The following DMRT3 variants were observed in gnomAD, a reference collection of about 807,000 sequenced individuals.
DMRT3 encodes doublesex- and mab-3-related transcription factor 3.
DMRT3 carries 29 observed loss-of-function variants against 34.9 expected under a neutral mutation model. The ratio of observed to expected loss-of-function variants is 0.83; its 90% CI spans 0.62 to 1.13. The LOEUF (loss-of-function observed/expected upper bound fraction) is 1.13, where lower values mean the gene tolerates loss of function less well. DMRT3 is among the 50% of genes most tolerant of loss of function. DMRT3 has a pLI of 0.00. For missense variants in DMRT3, 772 were observed against 629.1 expected (o/e 1.23, Z -2.43); for synonymous variants, 350 against 286.0 (o/e 1.22, Z -2.26).
At chr9:981,839 C>T (rs73639957) in intron 1 of DMRT3, among the ~76,000 whole-genome samples, 1,992 of 152,266 alleles carry the variant, frequency 0.013, 46 homozygotes, top group African/African-American at 0.046. Flanking sequence ...CGGCTCTTTC[C>T]TTGGTCACTG....
chr9:986,996 C>G (rs530198172), intron 1 of DMRT3, among the ~76,000 whole-genome samples: 1 of 151,788 alleles, frequency 6.6e-6, no homozygotes, highest in South Asian at 2.1e-4. Context: ...TCTCTTCATT[C>G]TCTATATTAC....
rs1820338293 is a variant in DMRT3 at position 990,269 on chromosome 9, A to G, written c.683A>G (p.Asn228Ser). The G allele has an allele frequency of 6.2e-7, 1 of 1,613,856 alleles. No individual in the cohort carries two copies. Among genetic ancestry groups the G allele is most frequent in the Non-Finnish European group, 8.5e-7 (1 of 1,180,000 alleles). Reference protein sequence around the residue: ...PDSPKCHAEQNHLLIEGPSGT... With the variant: ...PDSPKCHAEQSHLLIEGPSGT... ...AGCCCCAAGTGTCACGCGGAGCAGAATCACCTCCTGATTGAGGGCCCCTCG... is the reference window on the plus strand; with the variant it reads ...AGCCCCAAGTGTCACGCGGAGCAGAGTCACCTCCTGATTGAGGGCCCCTCG... The change falls in exon 2 of 2, where the codon AAT becomes AGT. Residue 228 changes from asparagine (N) to serine (S), a missense_variant. Transcript: ENST00000190165.
intron 1 of DMRT3, among the ~76,000 whole-genome samples, chr9:983,439 T>G (rs1820245747): frequency 6.6e-6 from 1 of 152,212 alleles, no homozygotes; most frequent in African/African-American, 2.4e-5. Flanking sequence ...TGGAATTATT[T>G]GCTGTATTTC....
chr9:990,160 C>T lies in DMRT3; in HGVS notation c.574C>T (p.Pro192Ser), dbSNP rs1820335735. 1.2e-6 allele frequency: 2 copies of T among 1,613,890 alleles called. No homozygotes were observed. Among genetic ancestry groups the T allele is most frequent in the East Asian group, 2.2e-5 (1 of 44,864 alleles). ...GGCAAAGAGTAAGGGCTGCTTCACC[C>T]CTGAGAGCCCTGAGATAGTGTCCGT... ...DVAKSKGCFTPESPEIVSVEE... is the reference protein window; with the variant it reads ...DVAKSKGCFTSESPEIVSVEE... The change falls in exon 2 of 2, where the codon CCT becomes TCT. Residue 192 changes from proline (P) to serine (S), a missense_variant. Transcript: ENST00000190165.
At chr9:978,623 G>A (rs1820180343) in intron 1 of DMRT3, among the ~76,000 whole-genome samples, 1 of 152,218 alleles carries the variant, frequency 6.6e-6, no homozygotes, top group East Asian at 1.9e-4. Context: ...ATCCTGTGGA[G>A]CTGAGGAAGT....
chr9:986,619 G>A (rs941661857), intron 1 of DMRT3, among the ~76,000 whole-genome samples: 2 of 152,138 alleles, frequency 1.3e-5, no homozygotes, highest in African/African-American at 2.4e-5. Context: ...CTGGCCGGGC[G>A]TGGTGGCTGA....
In DMRT3 at chr9:990,589, C is replaced by T. The variant is rs374319022; in HGVS notation, c.1003C>T (p.Arg335Ter). The T allele has an allele frequency of 6.8e-6, 11 of 1,614,040 alleles. No homozygotes were observed. The highest frequency in any genetic ancestry group is 2.7e-5 in the African/African-American group (2 of 74,924). The change falls in exon 2 of 2, where the codon CGA (arginine) becomes TGA (stop). Residue 335 changes from arginine (R) to a stop codon, truncating the protein, a stop_gained. Transcript: ENST00000190165. LOFTEE classifies it high-confidence loss of function. ...SSKWSVGSAF[R>*]VPDTLRFSAD... ...CAAATGGTCTGTGGGATCAGCCTTT[C>T]GAGTCCCAGACACGTTGAGGTTTTC... is the stretch of plus-strand genomic sequence containing the variant.
Position 976,907 on chromosome 9 carries a change from G to C in DMRT3, c.-95G>C. ...GCGGGACCAAGGGCCGCGTCGCCCG[G>C]AGGCCGCCCCTGAGCGGGCCTCGCA... On this transcript the variant is annotated 5_prime_UTR_variant, in exon 1 of 2. Transcript: ENST00000190165. The surrounding 1 kb of genome is among the most constrained non-coding windows in gnomAD (Gnocchi z 4.5). 1 of 1,311,332 alleles carries C rather than the reference G, an allele frequency of 7.6e-7. No homozygotes were observed. The highest frequency in any genetic ancestry group is 9.8e-7 in the Non-Finnish European group (1 of 1,019,382). The allele number at this position is 1,311,332 out of a possible 1,614,324, so 81.2% of individuals were successfully genotyped here. A position where few individuals can be genotyped will look rare whatever the true frequency, so the allele number is the denominator to read the frequency against.
intron 1 of DMRT3, among the ~76,000 whole-genome samples, chr9:986,031 G>A (rs1168807065): frequency 2.0e-5 from 3 of 152,178 alleles, no homozygotes; most frequent in Admixed American, 6.5e-5. Context: ...AGAGACCTGC[G>A]GAGAGAGCAT....
rs1379872544 is a variant in DMRT3 at position 991,092 on chromosome 9, G to A, written c.*87G>A. The A allele has an allele frequency of 4.0e-6, 6 of 1,483,710 alleles. No individual in the cohort carries two copies. Among genetic ancestry groups the A allele is most frequent in the Non-Finnish European group, 5.4e-6 (6 of 1,105,906 alleles). 91.9% of individuals were successfully genotyped at this position (1,483,710 alleles called of 1,614,324 possible). ...TGAGGAGAGGCCACATCTTGTGTAT[G>A]CCCTTTCCTTCTGTTTGACAAAGTG... On this transcript the variant is annotated 3_prime_UTR_variant, in exon 2 of 2. Coordinates refer to ENST00000190165, the MANE Select transcript of DMRT3 (RefSeq NM_021240.4).
chr9:986,434 C>CT (rs368703452), intron 1 of DMRT3, among the ~76,000 whole-genome samples: 1 of 152,064 alleles, frequency 6.6e-6, no homozygotes, highest in Non-Finnish European at 1.5e-5. Context: ...GTTTGATCCA[C>CT]TTTTTTTCTG....
intron 1 of DMRT3, among the ~76,000 whole-genome samples, chr9:983,604 G>A (rs1409603395): frequency 2.0e-5 from 3 of 152,158 alleles, no homozygotes; most frequent in East Asian, 3.9e-4. Flanking sequence ...GCATTTAGGG[G>A]CATTTGTTAA....
rs751684817 is a variant in DMRT3, at chr9:990,056, G to C, written c.470G>C (p.Arg157Pro). The C allele has an allele frequency of 6.2e-7, 1 of 1,613,564 alleles. No homozygotes were observed. Among genetic ancestry groups the C allele is most frequent in the Non-Finnish European group, 8.5e-7 (1 of 1,179,988 alleles). The change falls in exon 2 of 2, where the codon CGA becomes CCA. Residue 157 changes from arginine to proline, a missense_variant. Physicochemically the swap from Arg to Pro is moderately radical, Grantham distance 103. Coordinates refer to ENST00000190165, the MANE Select transcript of DMRT3 (RefSeq NM_021240.4). ...TGTTTTCCAGATTTGACTGAAGAAC[G>C]ACTTGGAGACGGCAAGTCGGCAGAC... The part of the protein sequence containing the change: ...QLAKPDLTEE[R>P]LGDGKSADNT...
intron 1 of DMRT3, among the ~76,000 whole-genome samples, chr9:984,443 CAG>C (rs1168338239): frequency 6.7e-6 from 1 of 149,202 alleles, no homozygotes; most frequent in African/African-American, 2.5e-5. Context: ...ACATCTAAGT[CAG>C]AAAGATTTTT....
chr9:977,971 C>T (rs1044945196), intron 1 of DMRT3, among the ~76,000 whole-genome samples: 3 of 152,146 alleles, frequency 2.0e-5, no homozygotes, highest in African/African-American at 7.2e-5. Flanking sequence ...GCCCAGGGCC[C>T]AGGAAAATTT....
At chr9:985,689 G>A (rs1820274682) in intron 1 of DMRT3, among the ~76,000 whole-genome samples, 1 of 152,176 alleles carries the variant, frequency 6.6e-6, no homozygotes, top group Non-Finnish European at 1.5e-5. Flanking sequence ...TATATATCCT[G>A]CCCTTCAGAA....
At chr9:985,772 C>T (rs1488686901) in intron 1 of DMRT3, among the ~76,000 whole-genome samples, 1 of 152,170 alleles carries the variant, frequency 6.6e-6, no homozygotes, top group East Asian at 1.9e-4. Context: ...TTTTGAAACT[C>T]CAACAGCCTT....
Position 977,316 on chromosome 9 carries a change from C to A in DMRT3, c.315C>A (p.Ala105=). ...CCCCGCCGCCGGGGGACGCCGTCGC[C>A]GCCCCGCAGCCGCCGCCAGCCTCTC... The part of the protein sequence containing the change: ...PGPPPPGDAV[A]APQPPPASQP... Residue 105 remains alanine, a synonymous_variant, in exon 1 of 2, where the codon GCC becomes GCA. Transcript: ENST00000190165. The A allele has an allele frequency of 2.3e-6, 3 of 1,315,332 alleles. No homozygotes were observed. The highest frequency in any genetic ancestry group is 2.9e-6 in the Non-Finnish European group (3 of 1,031,784). 81.5% of individuals were successfully genotyped at this position (1,315,332 alleles called of 1,614,324 possible).
intron 1 of DMRT3, among the ~76,000 whole-genome samples, chr9:984,999 A>T (rs941109769): frequency 3.9e-5 from 6 of 152,190 alleles, no homozygotes; most frequent in Non-Finnish European, 5.9e-5. Context: ...TAGTCATCTT[A>T]TGGCATATAT....
Sources: gnomAD v4.1 joint callset for allele counts (sites outside exome capture counted in the v4.1 genomes callset) on GRCh38, gnomAD v4.1.1 for gene constraint, Gnocchi (gnomAD v3.1) non-coding constraint, MANE v1.5 for transcripts, NCBI Gene and HGNC (gene_info 2026-07-23, HGNC 2026-07-21) for gene names.